Variants in MED27 observed in about 807,000 individuals in gnomAD.
MED27 encodes mediator of RNA polymerase II transcription subunit 27.
Under a neutral mutation model 38.2 loss-of-function variants are expected in MED27, and 30 were observed. The ratio of observed to expected loss-of-function variants is 0.79; its 90% CI spans 0.59 to 1.07. MED27 has a LOEUF of 1.07. Ranked by LOEUF, MED27 falls within the 50% of genes least tolerant of loss-of-function variation. The pLI, the probability that MED27 is intolerant of heterozygous loss-of-function variation, is 0.00. For missense variants in MED27, 289 were observed against 397.5 expected, an observed-to-expected ratio of 0.73 and a Z score of 2.32; for synonymous variants, 122 against 153.5, an observed-to-expected ratio of 0.79 and a Z score of 1.52.
At chr9:131,902,302 TAAC>T (rs901160224) in intron 4 of MED27, among the ~76,000 whole-genome samples, 4 of 152,182 alleles carry the variant, frequency 2.6e-5, no homozygotes, top group African/African-American at 9.7e-5. Context: ...ACTGTCCTCT[TAAC>T]AGCAGGCTCG....
chr9:132,077,392 A>G (rs1834075827), intron 2 of MED27, 50 bp downstream of exon 2: 1 of 1,553,990 alleles, frequency 6.4e-7, no homozygotes, highest in African/African-American at 1.4e-5. Context: ...ATGGAATATA[A>G]GAAAACTTGG....
chr9:132,074,302 A>T (rs935525519), intron 2 of MED27, among the ~76,000 whole-genome samples: 1 of 152,264 alleles, frequency 6.6e-6, no homozygotes, highest in African/African-American at 2.4e-5. Context: ...TGTAATTAAT[A>T]TTCCAACTGA....
rs1322639365 is a variant in MED27, at chr9:131,861,666, T to G, written c.802-994A>C. 6.6e-6 allele frequency among the ~76,000 whole-genome samples: 1 copy of G among 152,224 alleles called. No homozygotes were observed. Among genetic ancestry groups the G allele is most frequent in the Non-Finnish European group, 1.5e-5 (1 of 68,046 alleles). On this transcript the variant is annotated intron_variant, in intron 7 of 7. Transcript: ENST00000292035. The surrounding 1 kb of genome is among the most constrained non-coding windows in gnomAD (Gnocchi z 4.4). Reference sequence around the variant, plus strand: ...GAAGTTCTGTCTCTGCCACAAATAGTACTCATGTCTGTGCCTCAAATCAAT... The same window carrying G: ...GAAGTTCTGTCTCTGCCACAAATAGGACTCATGTCTGTGCCTCAAATCAAT...
chr9:132,049,720 A>C (rs1833419487), intron 2 of MED27, among the ~76,000 whole-genome samples: 1 of 152,016 alleles, frequency 6.6e-6, no homozygotes, highest in South Asian at 2.1e-4. Flanking sequence ...CAATGTGAGC[A>C]CTCCGAAGCT....
chr9:132,062,165 A>T (rs1215495642), intron 2 of MED27, among the ~76,000 whole-genome samples: 1 of 152,242 alleles, frequency 6.6e-6, no homozygotes, highest in Non-Finnish European at 1.5e-5. Flanking sequence ...CATCTAACTG[A>T]AAGTGTTTTG....
chr9:131,937,521 C>T (rs1044175229), intron 4 of MED27, among the ~76,000 whole-genome samples: 3 of 152,148 alleles, frequency 2.0e-5, no homozygotes, highest in Non-Finnish European at 4.4e-5. Flanking sequence ...CAGGCGAGGT[C>T]GACCATCACT....
intron 2 of MED27, among the ~76,000 whole-genome samples, chr9:132,017,131 T>A (rs1271964112): frequency 1.3e-5 from 2 of 152,186 alleles, no homozygotes; most frequent in African/African-American, 4.8e-5. Context: ...AAATATTTAC[T>A]GAACCACCTT....
chr9:131,960,670 G>A (rs1431454966), intron 3 of MED27, among the ~76,000 whole-genome samples: 1 of 152,280 alleles, frequency 6.6e-6, no homozygotes, highest in Admixed American at 6.5e-5. Context: ...GTACCAACAT[G>A]AATAATAATG....
At chr9:132,020,116 TC>T (rs1832687058) in intron 2 of MED27, among the ~76,000 whole-genome samples, 1 of 152,194 alleles carries the variant, frequency 6.6e-6, no homozygotes, top group African/African-American at 2.4e-5. Flanking sequence ...TGTTGAACCT[TC>T]CTAGCAGTTT....
chr9:131,971,681 A>G (rs1831480871), intron 3 of MED27, among the ~76,000 whole-genome samples: 1 of 152,090 alleles, frequency 6.6e-6, no homozygotes, highest in Admixed American at 6.5e-5. Flanking sequence ...GATGTAATCT[A>G]GAGATATTGC....
At chr9:131,880,135 C>T (rs1318857851) in intron 6 of MED27, among the ~76,000 whole-genome samples, 1 of 152,202 alleles carries the variant, frequency 6.6e-6, no homozygotes. Context: ...GGAGGCTACA[C>T]CGCGCATGCT....
intron 2 of MED27, among the ~76,000 whole-genome samples, chr9:132,023,250 A>G (rs1832754617): frequency 6.6e-6 from 1 of 152,196 alleles, no homozygotes; most frequent in African/African-American, 2.4e-5. Context: ...CATGAGTACA[A>G]TGAGAACCAT....
intron 2 of MED27, among the ~76,000 whole-genome samples, chr9:132,038,168 A>G (rs1025749770): frequency 4.6e-5 from 7 of 151,922 alleles, no homozygotes; most frequent in African/African-American, 1.7e-4. Flanking sequence ...GCCAATCGCT[A>G]AAATGTGCCA....
chr9:132,056,252 C>T (rs1170107001), intron 2 of MED27, among the ~76,000 whole-genome samples: 1 of 152,186 alleles, frequency 6.6e-6, no homozygotes, highest in East Asian at 1.9e-4. Context: ...AGACACTGCT[C>T]ATGCAAGGAA....
At chr9:131,959,888 C>T (rs145148010) in intron 3 of MED27, among the ~76,000 whole-genome samples, 1 of 152,254 alleles carries the variant, frequency 6.6e-6, no homozygotes, top group East Asian at 1.9e-4. Flanking sequence ...GGGCCCATTA[C>T]TAGAAATTTC....
intron 6 of MED27, among the ~76,000 whole-genome samples, chr9:131,882,874 C>A (rs1839072312): frequency 6.6e-6 from 1 of 151,926 alleles, no homozygotes; most frequent in African/African-American, 2.4e-5. Context: ...TGGCACCTAA[C>A]AGTGCCTGGC....
chr9:131,990,092 C>T lies in MED27; in HGVS notation c.479+24245G>A, dbSNP rs374550098. On this transcript the variant is annotated intron_variant, in intron 3 of 7. Transcript: ENST00000292035. ...GAACCTGCCCCACTTTAGATCCTTC[C>T]CAGACGGTGCTTCCCTGGCCCACCC... Among the ~76,000 whole-genome samples the T allele has an allele frequency of 2.0e-4, 31 of 152,244 alleles. 1 individual carries two copies. The East Asian group carries it at 4.8e-3, about 24-fold the overall frequency.
intron 3 of MED27, among the ~76,000 whole-genome samples, chr9:131,960,052 G>T (rs1414741518): frequency 6.6e-6 from 1 of 152,166 alleles, no homozygotes; most frequent in African/African-American, 2.4e-5. Context: ...AGCTGAGTAG[G>T]CTGCCCTAAT....
intron 3 of MED27, among the ~76,000 whole-genome samples, chr9:132,012,364 A>G (rs1397935202): frequency 1.3e-5 from 2 of 152,228 alleles, no homozygotes; most frequent in African/African-American, 4.8e-5. Context: ...TTGCATCACT[A>G]AAAGCAGCTG....
Sources: allele counts gnomAD v4.1 joint callset (sites outside exome capture counted in the v4.1 genomes callset), GRCh38; gene constraint gnomAD v4.1.1; non-coding constraint Gnocchi (gnomAD v3.1); transcripts MANE v1.5; gene names NCBI Gene and HGNC (gene_info 2026-07-23, HGNC 2026-07-21).